Variants in ARHGAP42 observed in about 807,000 individuals in gnomAD.
ARHGAP42 encodes the protein rho GTPase-activating protein 42.
In ARHGAP42, 63 loss-of-function variants were observed where a neutral mutation model predicts 125.0. The ratio of observed to expected loss-of-function variants is 0.50; its 90% CI spans 0.41 to 0.62. The LOEUF (loss-of-function observed/expected upper bound fraction) is 0.62, where lower values mean the gene tolerates loss of function less well. Ranked by LOEUF, ARHGAP42 falls within the 20% of genes least tolerant of loss-of-function variation. The pLI is 0.00. For synonymous variants in ARHGAP42, 339 were observed against 351.0 expected, an observed-to-expected ratio of 0.97 and a Z score of 0.38; for missense variants, 766 against 1,024.2, an observed-to-expected ratio of 0.75 and a Z score of 3.44.
chr11:100,936,991 C>T (rs575921079), intron 8 of ARHGAP42, among the ~76,000 whole-genome samples: 10 of 152,300 alleles, frequency 6.6e-5, no homozygotes, highest in East Asian at 5.8e-4. Context: ...GCATCATTCT[C>T]GTGCTGTTTT....
chr11:100,779,847 G>A (rs1162370011), intron 2 of ARHGAP42, among the ~76,000 whole-genome samples: 1 of 151,492 alleles, frequency 6.6e-6, no homozygotes, highest in Non-Finnish European at 1.5e-5. Flanking sequence ...CCAACATGGT[G>A]AAACCCTGTC....
At chr11:100,725,001 A>C (rs1191610794) in intron 1 of ARHGAP42, among the ~76,000 whole-genome samples, 2 of 147,272 alleles carry the variant, frequency 1.4e-5, no homozygotes, top group East Asian at 1.9e-4. Context: ...TACACCCCAA[A>C]ATTTTTATAA....
intron 1 of ARHGAP42, among the ~76,000 whole-genome samples, chr11:100,754,840 C>T (rs1862537046): frequency 6.6e-6 from 1 of 152,044 alleles, no homozygotes; most frequent in Non-Finnish European, 1.5e-5. Flanking sequence ...TTACTTTATT[C>T]TGTAATTTAT....
intron 8 of ARHGAP42, among the ~76,000 whole-genome samples, chr11:100,940,006 G>C (rs910261958): frequency 6.6e-6 from 1 of 152,078 alleles, no homozygotes; most frequent in African/African-American, 2.4e-5. Flanking sequence ...TAATTAGCTC[G>C]TAAGTCTTTA....
intron 4 of ARHGAP42, among the ~76,000 whole-genome samples, chr11:100,882,235 T>G (rs1487967232): frequency 1.3e-5 from 2 of 152,220 alleles, no homozygotes; most frequent in African/African-American, 4.8e-5. Context: ...GGGTTTGTCA[T>G]AGATGGCTTT....
chr11:100,688,015 A>C (rs1023537846), intron 1 of ARHGAP42, 183 bp downstream of exon 1: 1 of 588,882 alleles, frequency 1.7e-6, no homozygotes, highest in Non-Finnish European at 2.8e-6. Context: ...TTACTTACTC[A>C]CATGTCTACA....
At chr11:100,805,122 A>G (rs546648376) in intron 3 of ARHGAP42, among the ~76,000 whole-genome samples, 2 of 152,342 alleles carry the variant, frequency 1.3e-5, no homozygotes, top group South Asian at 2.1e-4. Flanking sequence ...TATGCTATTA[A>G]TATACCCATT....
chr11:100,846,819 A>G (rs1399915294), intron 3 of ARHGAP42, among the ~76,000 whole-genome samples: 1 of 152,142 alleles, frequency 6.6e-6, no homozygotes, highest in Non-Finnish European at 1.5e-5. Flanking sequence ...CTGAGGTTTA[A>G]AAAATGAGTA....
chr11:100,943,747 T>C lies in ARHGAP42; in HGVS notation c.934-12T>C. 1.3e-6 allele frequency: 2 copies of C among 1,519,316 alleles called. No homozygotes were observed. Among genetic ancestry groups the C allele is most frequent in the East Asian group, 2.5e-5 (1 of 40,634 alleles). The allele number at this position is 1,519,316 out of a possible 1,614,324, so 94.1% of individuals were successfully genotyped here. On this transcript the variant is annotated splice_polypyrimidine_tract_variant and intron_variant, in intron 9 of 23. Transcript: ENST00000298815. ...TCAGCATGTTAATACTGTGGTACTC[T>C]TCTTGTTTCAGAATGGCCTTGTTAC...
intron 16 of ARHGAP42, 38 bp from the exon 17 acceptor site, chr11:100,965,633 T>A: frequency 6.7e-7 from 1 of 1,502,686 alleles, no homozygotes; most frequent in Non-Finnish European, 9.1e-7. Flanking sequence ...TTGAATGGAA[T>A]TAAAACTTGA....
intron 4 of ARHGAP42, among the ~76,000 whole-genome samples, chr11:100,871,296 A>T (rs888973010): frequency 6.6e-6 from 1 of 152,002 alleles, no homozygotes; most frequent in African/African-American, 2.4e-5. Context: ...CTATAATCCT[A>T]ACCCTTTGGG....
At chr11:100,716,744 T>C (rs1490164374) in intron 1 of ARHGAP42, among the ~76,000 whole-genome samples, 1 of 151,228 alleles carries the variant, frequency 6.6e-6, no homozygotes, top group Non-Finnish European at 1.5e-5. Flanking sequence ...ATTAAAAATA[T>C]TTTTTTGTAG....
intron 3 of ARHGAP42, among the ~76,000 whole-genome samples, chr11:100,836,730 CT>C (rs200596327): frequency 0.031 from 3,845 of 123,164 alleles, 74 homozygotes; most frequent in African/African-American, 0.073. Flanking sequence ...TTGTTGTTTT[CT>C]TTTTTTTTTT....
chr11:100,815,515 T>C (rs1036407450), intron 3 of ARHGAP42, among the ~76,000 whole-genome samples: 1 of 152,238 alleles, frequency 6.6e-6, no homozygotes, highest in Admixed American at 6.5e-5. Flanking sequence ...TGTTTGTTGC[T>C]CTGAGCCTAG....
chr11:100,814,179 C>T (rs12221805), intron 3 of ARHGAP42, among the ~76,000 whole-genome samples: 21 of 151,282 alleles, frequency 1.4e-4, no homozygotes, highest in East Asian at 5.9e-4. Flanking sequence ...GGCATCAGTG[C>T]GAGACTCCGT....
chr11:100,945,689 C>G (rs1867997489), intron 10 of ARHGAP42, among the ~76,000 whole-genome samples: 1 of 152,086 alleles, frequency 6.6e-6, no homozygotes, highest in African/African-American at 2.4e-5. Flanking sequence ...CCTCTTTAAT[C>G]AGAAGGTCTC....
chr11:100,800,769 G>C (rs1043621025), intron 3 of ARHGAP42, among the ~76,000 whole-genome samples: 1 of 152,042 alleles, frequency 6.6e-6, no homozygotes, highest in Non-Finnish European at 1.5e-5. Context: ...TAAAGAATGT[G>C]CAATGTAATG....
At chr11:100,813,477 A>G (rs1421345109) in intron 3 of ARHGAP42, among the ~76,000 whole-genome samples, 2 of 152,198 alleles carry the variant, frequency 1.3e-5, no homozygotes, top group African/African-American at 2.4e-5. Flanking sequence ...ATATTAGCCA[A>G]ATGCAGTGTT....
intron 4 of ARHGAP42, among the ~76,000 whole-genome samples, chr11:100,910,880 G>A (rs1866893950): frequency 6.6e-6 from 1 of 151,950 alleles, no homozygotes; most frequent in African/African-American, 2.4e-5. Context: ...TGGTGTGAAG[G>A]GGCCTGGTTT....
Sources: allele counts gnomAD v4.1 joint callset (sites outside exome capture counted in the v4.1 genomes callset), GRCh38; gene constraint gnomAD v4.1.1; transcripts MANE v1.5; gene names NCBI Gene and HGNC (gene_info 2026-07-23, HGNC 2026-07-21).